Variants in FAM53A observed in about 807,000 individuals in gnomAD.
FAM53A encodes family with sequence similarity 53 member A, also known as protein FAM53A.
A neutral mutation model predicts 26.6 loss-of-function variants in FAM53A; 28 were observed. The ratio of observed to expected loss-of-function variants is 1.05; its 90% confidence interval spans 0.78 to 1.45. FAM53A has a LOEUF of 1.45. Among genes scored for constraint, FAM53A ranks in the 40% most tolerant of loss-of-function variants. The pLI, the probability that FAM53A is intolerant of heterozygous loss-of-function variation, is 0.00. For missense variants in FAM53A, 650 were observed against 575.8 expected, an observed-to-expected ratio of 1.13 and a Z score of -1.32; for synonymous variants, 290 against 253.1, an observed-to-expected ratio of 1.15 and a Z score of -1.38.
intron 4 of FAM53A, among the ~76,000 whole-genome samples, chr4:1,645,421 G>A (rs1325864156): frequency 6.6e-6 from 1 of 152,242 alleles, no homozygotes; most frequent in African/African-American, 2.4e-5. Flanking sequence ...TTCTAGACAG[G>A]GGAGCTGGCC....
At chr4:1,677,691 A>T (rs1025411952) in intron 1 of FAM53A, among the ~76,000 whole-genome samples, 4 of 152,182 alleles carry the variant, frequency 2.6e-5, no homozygotes, top group Non-Finnish European at 5.9e-5. Flanking sequence ...GTCTCACTGC[A>T]GAGGGATACA....
chr4:1,649,484 T>C (rs1712558194), intron 4 of FAM53A, among the ~76,000 whole-genome samples: 1 of 152,204 alleles, frequency 6.6e-6, no homozygotes, highest in African/African-American at 2.4e-5. Context: ...CTCCTCCCAC[T>C]GAGTAAGGGC....
At chr4:1,652,276 CAG>C (rs1712904396) in intron 4 of FAM53A, among the ~76,000 whole-genome samples, 1 of 139,490 alleles carries the variant, frequency 7.2e-6, no homozygotes, top group African/African-American at 2.7e-5. Context: ...CCGCATACAC[CAG>C]ACACACACAT....
intron 1 of FAM53A, among the ~76,000 whole-genome samples, chr4:1,670,030 C>G (rs1714519683): frequency 6.6e-6 from 1 of 152,224 alleles, no homozygotes; most frequent in Admixed American, 6.5e-5. Context: ...AACCCGTAGG[C>G]AGCACCGCTC....
rs7674384 is a variant in FAM53A, at chr4:1,665,245, G to T, written c.75+3422C>A. On this transcript the variant is annotated intron_variant, in intron 2 of 4. Coordinates refer to ENST00000308132, the MANE Select transcript of FAM53A (RefSeq NM_001174070.3). The stretch of plus-strand genomic sequence containing the variant: ...AGGCAAGAGAATTGCTTGAATGCGG[G>T]AGGCAGAGGTTGCAGTGAGCCGAGA... Among the ~76,000 whole-genome samples the T allele has an allele frequency of 2.8e-3, 426 of 152,130 alleles. 2 individuals carry two copies. Among genetic ancestry groups the T allele is most frequent in the African/African-American group, 1.0e-2 (414 of 41,494 alleles).
At chr4:1,655,747 C>A in intron 3 of FAM53A, 24 bp from the exon 4 acceptor site, 1 of 1,521,472 alleles carries the variant, frequency 6.6e-7, no homozygotes. Flanking sequence ...CACAAAGAGG[C>A]AGGGGAAGAG....
chr4:1,577,771 C>T, the FAM53A span, among the ~76,000 whole-genome samples: 1 of 152,166 alleles, frequency 6.6e-6, no homozygotes, highest in African/African-American at 2.4e-5. Context: ...TGCTCATTAC[C>T]GCGGCCATTT....
intron 1 of FAM53A, among the ~76,000 whole-genome samples, chr4:1,626,375 C>T (rs972138506): frequency 1.3e-5 from 2 of 152,224 alleles, no homozygotes; most frequent in African/African-American, 4.8e-5. Context: ...CCAGGGAGCC[C>T]GACGCAGACC....
At chr4:1,637,580 G>C (rs1314003348), downstream of FAM53A, among the ~76,000 whole-genome samples, 1 of 152,126 alleles carries the variant, frequency 6.6e-6, no homozygotes, top group Non-Finnish European at 1.5e-5. Context: ...ACAGGGACAG[G>C]AGCCCTGCAG....
the FAM53A span, among the ~76,000 whole-genome samples, chr4:1,600,645 C>T: frequency 7.2e-5 from 11 of 152,234 alleles, no homozygotes; most frequent in African/African-American, 2.4e-4. Flanking sequence ...CTCCACCTGA[C>T]CACTTCTTTT....
At chr4:1,612,670 A>G in the FAM53A span, among the ~76,000 whole-genome samples, 1 of 152,168 alleles carries the variant, frequency 6.6e-6, no homozygotes, top group Non-Finnish European at 1.5e-5. Flanking sequence ...CATGTGACAC[A>G]CGTGTGCTCA....
At chr4:1,603,061 T>G in the FAM53A span, among the ~76,000 whole-genome samples, 1 of 152,144 alleles carries the variant, frequency 6.6e-6, no homozygotes, top group Non-Finnish European at 1.5e-5. Flanking sequence ...GTTCAGAGGT[T>G]GCGTCCTCTC....
At chr4:1,634,617 G>T (rs1477096733) in intron 1 of FAM53A, among the ~76,000 whole-genome samples, 1 of 152,138 alleles carries the variant, frequency 6.6e-6, no homozygotes, top group Non-Finnish European at 1.5e-5. Flanking sequence ...TCATCTGGGG[G>T]CCAGGCATGG....
the FAM53A span, among the ~76,000 whole-genome samples, chr4:1,578,682 G>C: frequency 4.4e-3 from 656 of 148,970 alleles, 4 homozygotes; most frequent in Non-Finnish European, 5.1e-3. Flanking sequence ...GCCCTCTGCA[G>C]ACAACGAGGC....
chr4:1,580,559 C>CCTCCCGCCCTAGGCCCCGA, the FAM53A span, among the ~76,000 whole-genome samples: 1 of 76,672 alleles, frequency 1.3e-5, no homozygotes, highest in Non-Finnish European at 3.2e-5. Context: ...CCGGGCCCCA[C>CCTCCCGCCCTAGGCCCCGA]CTCCCGCCCT....
At chr4:1,685,652 C>T (rs1424232131), upstream of FAM53A, among the ~76,000 whole-genome samples, 1 of 152,136 alleles carries the variant, frequency 6.6e-6, no homozygotes, top group Admixed American at 6.5e-5. Flanking sequence ...TCAGCCTCAC[C>T]TGTCTGGAAG....
chr4:1,638,776 C>CAAGGGCCT (rs1491152228), downstream of FAM53A, among the ~76,000 whole-genome samples: 8 of 152,294 alleles, frequency 5.3e-5, no homozygotes, highest in South Asian at 2.1e-4. Context: ...TGAGGGGCCC[C>CAAGGGCCT]TGGGCTGGGG....
intron 2 of FAM53A, among the ~76,000 whole-genome samples, chr4:1,665,875 T>C (rs1469974943): frequency 6.6e-6 from 1 of 152,066 alleles, no homozygotes; most frequent in Non-Finnish European, 1.5e-5. Flanking sequence ...TACTGGGTAC[T>C]GTGCTCACAA....
At chr4:1,575,705 C>T in the FAM53A span, among the ~76,000 whole-genome samples, 1 of 152,118 alleles carries the variant, frequency 6.6e-6, no homozygotes, top group Non-Finnish European at 1.5e-5. Flanking sequence ...GGCCTGGCAC[C>T]CCTGGGGTCC....
Sources: allele counts gnomAD v4.1 joint callset (sites outside exome capture counted in the v4.1 genomes callset), GRCh38; gene constraint gnomAD v4.1.1; transcripts MANE v1.5; gene names NCBI Gene and HGNC (gene_info 2026-07-23, HGNC 2026-07-21).